Variants in VPS54 observed in about 807,000 individuals in gnomAD.
VPS54 encodes VPS54 subunit of GARP complex, also known as vacuolar protein sorting-associated protein 54.
A neutral mutation model predicts 121.5 loss-of-function variants in VPS54; 45 were observed. That is an observed-to-expected ratio of 0.37 (90% CI 0.29 to 0.47). The LOEUF is 0.47. VPS54 is among the 20% of genes least tolerant of loss of function. The probability of loss-of-function intolerance (pLI) is 0.99; values close to 1 mark genes in which losing one functional copy is unlikely to be tolerated. For synonymous variants in VPS54, 371 were observed against 385.8 expected (o/e 0.96, Z 0.45); for missense variants, 1,090 against 1,131.4 (o/e 0.96, Z 0.52).
chr2:63,939,397 C>A (rs1180854528), intron 11 of VPS54, among the ~76,000 whole-genome samples: 2 of 151,622 alleles, frequency 1.3e-5, no homozygotes, highest in African/African-American at 4.8e-5. Flanking sequence ...ACAAAAAAAG[C>A]GTAATACTAA....
intron 1 of VPS54, among the ~76,000 whole-genome samples, chr2:64,004,127 A>G (rs1020873242): frequency 1.3e-5 from 2 of 152,212 alleles, no homozygotes; most frequent in Non-Finnish European, 2.9e-5. Context: ...TAAAAGTAAT[A>G]GAGTATAACA....
chr2:63,936,184 TAC>T (rs1051831254), intron 11 of VPS54, among the ~76,000 whole-genome samples: 4 of 152,196 alleles, frequency 2.6e-5, no homozygotes, highest in African/African-American at 7.2e-5. Flanking sequence ...TCTTCGCTTA[TAC>T]AGTTATTAAA....
At chr2:63,908,820 C>G (rs1208476737) in intron 20 of VPS54, among the ~76,000 whole-genome samples, 1 of 152,148 alleles carries the variant, frequency 6.6e-6, no homozygotes, top group African/African-American at 2.4e-5. Context: ...CACTATTATC[C>G]TCTTTAGAGG....
chr2:63,916,874 C>T, intron 16 of VPS54, 26 bp downstream of exon 16: 1 of 1,610,498 alleles, frequency 6.2e-7, no homozygotes, highest in Non-Finnish European at 8.5e-7. Context: ...GTTGACTCAA[C>T]TACTAAAGAA....
intron 1 of VPS54, among the ~76,000 whole-genome samples, chr2:64,005,089 CTTTTTT>C (rs764515091): frequency 0.041 from 1,790 of 44,186 alleles, 48 homozygotes; most frequent in Middle Eastern, 0.048. Context: ...ACTATTGCTT[CTTTTTT>C]TTTTTTTTTT....
At chr2:63,950,058 A>G (rs966205968) in intron 7 of VPS54, among the ~76,000 whole-genome samples, 1 of 152,136 alleles carries the variant, frequency 6.6e-6, no homozygotes, top group Middle Eastern at 3.2e-3. Context: ...CTGTTGTGGT[A>G]CCTATTAGCT....
rs894352252 is a variant in VPS54, at chr2:63,972,877, C to CA, written c.379-634dup. On this transcript the variant is annotated intron_variant, in intron 3 of 22. Transcript: ENST00000272322. ...TGGGTGGCAGAGTGAGACTCTATCA[C>CA]AAAAAAAAAGAAAAAAAGGAAAGAA... Among the ~76,000 whole-genome samples the CA allele has an allele frequency of 2.6e-4, 32 of 124,178 alleles. No individual in the cohort carries two copies. The Middle Eastern group carries it at 0.013, about 52-fold the overall frequency. The allele number at this position is 124,178 out of a possible 152,430, so 81.5% of individuals were successfully genotyped here.
chr2:64,002,834 C>A (rs1196510722), intron 1 of VPS54, among the ~76,000 whole-genome samples: 3 of 152,128 alleles, frequency 2.0e-5, no homozygotes, highest in Admixed American at 1.3e-4. Flanking sequence ...TAGTGGACTG[C>A]CTATAAAGAT....
chr2:63,928,166 C>T (rs966637507), intron 12 of VPS54, among the ~76,000 whole-genome samples: 1 of 152,118 alleles, frequency 6.6e-6, no homozygotes, highest in Non-Finnish European at 1.5e-5. Flanking sequence ...CAGAGAACAC[C>T]ACAAAGATAC....
At chr2:63,909,727 T>G (rs1673061220) in intron 20 of VPS54, among the ~76,000 whole-genome samples, 1 of 140,084 alleles carries the variant, frequency 7.1e-6, no homozygotes, top group African/African-American at 2.8e-5. Flanking sequence ...CGTTTTTGGT[T>G]TTTTTTTTTT....
At chr2:63,921,384 AT>A (rs775355952) in intron 12 of VPS54, 49 bp from the exon 13 acceptor site, 3 of 1,596,924 alleles carry the variant, frequency 1.9e-6, no homozygotes, top group Admixed American at 3.4e-5. Context: ...TAAACATAGT[AT>A]TCTCCACAGG....
chr2:63,956,357 A>G (rs938055870), intron 7 of VPS54, among the ~76,000 whole-genome samples: 1 of 152,208 alleles, frequency 6.6e-6, no homozygotes, highest in Admixed American at 6.5e-5. Context: ...GGAATCTATA[A>G]TAAACTGAGT....
At chr2:63,995,380 T>C (rs1010963244) in intron 1 of VPS54, among the ~76,000 whole-genome samples, 2 of 152,240 alleles carry the variant, frequency 1.3e-5, no homozygotes, top group Non-Finnish European at 2.9e-5. Flanking sequence ...GGAGAAGAAA[T>C]CTGGATTCCG....
At chr2:63,897,207 G>A (rs1309279338) in intron 22 of VPS54, among the ~76,000 whole-genome samples, 3 of 152,152 alleles carry the variant, frequency 2.0e-5, no homozygotes, top group African/African-American at 7.2e-5. Flanking sequence ...TCTGAATCCT[G>A]TTTGGAATAG....
chr2:63,956,730 A>G (rs1218978646), intron 7 of VPS54, among the ~76,000 whole-genome samples: 1 of 152,184 alleles, frequency 6.6e-6, no homozygotes, highest in African/African-American at 2.4e-5. Context: ...GGGCGATGTC[A>G]ATATACTTAG....
At chr2:63,928,491 C>A (rs2104470900) in intron 12 of VPS54, among the ~76,000 whole-genome samples, 1 of 152,274 alleles carries the variant, frequency 6.6e-6, no homozygotes, top group East Asian at 1.9e-4. Context: ...GCCTGCCTTA[C>A]AAGAGCTCCT....
chr2:63,968,873 A>AC (rs1676138723), intron 5 of VPS54, 84 bp downstream of exon 5: 1 of 1,283,982 alleles, frequency 7.8e-7, no homozygotes, highest in Non-Finnish European at 1.1e-6. Flanking sequence ...CAAAAAAAAA[A>AC]AAAAGCCAAA....
chr2:63,912,454 T>TAA, intron 19 of VPS54, 29 bp from the exon 20 acceptor site: 1 of 1,611,198 alleles, frequency 6.2e-7, no homozygotes, highest in Non-Finnish European at 8.5e-7. Flanking sequence ...ATTGTATTTT[T>TAA]AAGTCCCTGG....
At chr2:63,998,270 T>C (rs1677699667) in intron 1 of VPS54, among the ~76,000 whole-genome samples, 1 of 152,212 alleles carries the variant, frequency 6.6e-6, no homozygotes, top group African/African-American at 2.4e-5. Flanking sequence ...AATATCTTTT[T>C]CCATCCCTTT....
Sources: gnomAD v4.1 joint callset for allele counts (sites outside exome capture counted in the v4.1 genomes callset) on GRCh38, gnomAD v4.1.1 for gene constraint, MANE v1.5 for transcripts, NCBI Gene and HGNC (gene_info 2026-07-23, HGNC 2026-07-21) for gene names.